Variants in KCNQ2 observed in about 807,000 individuals in gnomAD.
KCNQ2 encodes the protein potassium voltage-gated channel subfamily Q member 2.
Under a neutral mutation model 84.8 loss-of-function variants are expected in KCNQ2, and 14 were observed. The ratio of observed to expected loss-of-function variants is 0.17; its 90% CI spans 0.11 to 0.26. The LOEUF (loss-of-function observed/expected upper bound fraction) is 0.26. Ranked by LOEUF, KCNQ2 falls within the 10% of genes least tolerant of loss-of-function variation. The pLI is 1.00. For synonymous variants in KCNQ2, 599 were observed against 554.1 expected, an observed-to-expected ratio of 1.08 and a Z score of -1.14; for missense variants, 788 against 1,254.0, an observed-to-expected ratio of 0.63 and a Z score of 5.61.
intron 15 of KCNQ2, among the ~76,000 whole-genome samples, chr20:63,411,285 C>T (rs1235074356): frequency 6.6e-6 from 1 of 152,200 alleles, no homozygotes; most frequent in Non-Finnish European, 1.5e-5. Context: ...CTGCTCGGAG[C>T]CACCCAGGGC....
At chr20:63,470,438 C>T (rs181142849) in intron 1 of KCNQ2, among the ~76,000 whole-genome samples, 1 of 152,220 alleles carries the variant, frequency 6.6e-6, no homozygotes, top group Admixed American at 6.5e-5. Context: ...CAAGTGTCCC[C>T]ATGCTTTGCC....
intron 1 of KCNQ2, among the ~76,000 whole-genome samples, chr20:63,452,174 G>A (rs2081632792): frequency 1.3e-5 from 2 of 149,852 alleles, no homozygotes; most frequent in Non-Finnish European, 1.5e-5. Context: ...AGGCGCAGGG[G>A]CCAAAGCCAC....
In KCNQ2 at chr20:63,446,118, C is replaced by A. The variant is rs1203813213; in HGVS notation, c.387+629G>T. 1 of 297,436 alleles carries A rather than the reference C, an allele frequency of 3.4e-6. No individual in the cohort carries two copies. Among genetic ancestry groups the A allele is most frequent in the East Asian group, 1.2e-4 (1 of 8,112 alleles). The allele number at this position is 297,436 out of a possible 1,614,324, so 18.4% of individuals were successfully genotyped here. On this transcript the variant is annotated intron_variant, in intron 2 of 16. Coordinates refer to ENST00000359125, the MANE Select transcript of KCNQ2 (RefSeq NM_172107.4). The surrounding 1 kb of genome is among the most constrained non-coding windows in gnomAD (Gnocchi z 5.5). Reference sequence around the variant, plus strand: ...GACCCTGTCTGAGCCAGTGGGGGACCTGCCTTGAGTTGGGGGGTGCACAGC... The same window carrying A: ...GACCCTGTCTGAGCCAGTGGGGGACATGCCTTGAGTTGGGGGGTGCACAGC...
chr20:63,442,931 A>G (rs1413566226), intron 4 of KCNQ2, among the ~76,000 whole-genome samples: 4 of 106,406 alleles, frequency 3.8e-5, no homozygotes, highest in Non-Finnish European at 8.0e-5. Context: ...CACCATCACC[A>G]TCACCACCAC....
At chr20:63,409,267 G>A (rs958798770) in intron 15 of KCNQ2, among the ~76,000 whole-genome samples, 3 of 152,224 alleles carry the variant, frequency 2.0e-5, no homozygotes, top group South Asian at 2.1e-4. Context: ...GTTTCTGTGT[G>A]CACGCGTGTG....
At chr20:63,413,259 G>A in intron 15 of KCNQ2, 191 bp downstream of exon 15, 1 of 647,094 alleles carries the variant, frequency 1.5e-6, no homozygotes, top group East Asian at 2.8e-5. Context: ...ATGGGGGAGA[G>A]ATGGGAGAGA....
At position 63,446,911 on chromosome 20, in the gene KCNQ2, G is replaced by A; in HGVS notation, c.297-74C>T. ...GCATGGCTGTGTCTCCAGAACTCAG[G>A]ACCCCACTCCCCACCAGGCCGCAGC... is the stretch of plus-strand genomic sequence containing the variant. On this transcript the variant is annotated intron_variant, in intron 1 of 16. Coordinates refer to ENST00000359125, the MANE Select transcript of KCNQ2 (RefSeq NM_172107.4). This position sits in a 1 kb window ranked among gnomAD's most constrained non-coding sequence, Gnocchi z 5.5. 7.5e-7 allele frequency: 1 copy of A among 1,326,532 alleles called. No homozygotes were observed. Among genetic ancestry groups the A allele is most frequent in the Admixed American group, 1.7e-5 (1 of 59,558 alleles). The allele number at this position is 1,326,532 out of a possible 1,614,324, so 82.2% of individuals were successfully genotyped here. A position where few individuals can be genotyped will look rare whatever the true frequency, so the allele number is the denominator to read the frequency against.
rs1326358475 is a variant in KCNQ2 at position 63,405,994 on chromosome 20, C to T, written c.*650G>A. 2 of 152,374 alleles carry T rather than the reference C, an allele frequency of 1.3e-5. No individual in the cohort carries two copies. Among genetic ancestry groups the T allele is most frequent in the Non-Finnish European group, 2.9e-5 (2 of 68,144 alleles). The allele number at this position is 152,374 out of a possible 1,614,324, so 9.4% of individuals were successfully genotyped here. On this transcript the variant is annotated 3_prime_UTR_variant, in exon 17 of 17. Transcript: ENST00000359125. ...CCTCGGCTGCAGGCGAAGGTCTCCA[C>T]CTCGGGGCTGGCTTCCATGGAAAGA...
chr20:63,471,389 G>C (rs994513364), intron 1 of KCNQ2, among the ~76,000 whole-genome samples: 6 of 152,244 alleles, frequency 3.9e-5, no homozygotes, highest in Non-Finnish European at 7.3e-5. Context: ...CGTTCCCTGA[G>C]CCTCGCCCGG....
chr20:63,443,325 C>T (rs796432321), intron 4 of KCNQ2, among the ~76,000 whole-genome samples: 7 of 17,350 alleles, frequency 4.0e-4, no homozygotes, highest in Admixed American at 2.1e-3. Context: ...ACCACCACCA[C>T]CATCACCATC....
intron 15 of KCNQ2, among the ~76,000 whole-genome samples, chr20:63,409,429 G>T (rs187590220): frequency 2.7e-3 from 411 of 152,358 alleles, no homozygotes; most frequent in African/African-American, 8.9e-3. Context: ...AGGGACGGGG[G>T]CTTCTGACCA....
intron 10 of KCNQ2, among the ~76,000 whole-genome samples, chr20:63,426,487 C>T (rs1012136212): frequency 6.8e-6 from 1 of 146,540 alleles, no homozygotes; most frequent in Non-Finnish European, 1.5e-5. Context: ...TACAGCAGTT[C>T]TGCCCTGAAT....
Position 63,460,181 on chromosome 20 carries a change from C to T in KCNQ2, c.296+11987G>A, listed in dbSNP as rs2081913481. 6.6e-6 allele frequency: 1 copy of T among 152,528 alleles called. No homozygotes were observed. Among genetic ancestry groups the T allele is most frequent in the Non-Finnish European group, 1.5e-5 (1 of 68,274 alleles). 9.4% of individuals were successfully genotyped at this position (152,528 alleles called of 1,614,324 possible). A position where few individuals can be genotyped will look rare whatever the true frequency, so the allele number is the denominator to read the frequency against. On this transcript the variant is annotated intron_variant, in intron 1 of 16. Transcript: ENST00000359125. This position sits in a 1 kb window ranked among gnomAD's most constrained non-coding sequence, Gnocchi z 5.4. ...TCCCCAGCACCTTTGGGGACCCCTGCTTGGCCTGGCCTGGGCTCCTGACCC... is the reference window on the plus strand; with the variant it reads ...TCCCCAGCACCTTTGGGGACCCCTGTTTGGCCTGGCCTGGGCTCCTGACCC...
At chr20:63,470,100 A>G (rs1001898313) in intron 1 of KCNQ2, among the ~76,000 whole-genome samples, 3 of 152,202 alleles carry the variant, frequency 2.0e-5, no homozygotes, top group African/African-American at 4.8e-5. Context: ...ACCAGCCCCC[A>G]GTGTCCAACC....
intron 1 of KCNQ2, among the ~76,000 whole-genome samples, chr20:63,468,456 C>G (rs918304516): frequency 1.3e-5 from 2 of 152,238 alleles, no homozygotes; most frequent in African/African-American, 4.8e-5. Context: ...CCCCAGCCAG[C>G]CCTTCGAGGG....
Position 63,407,157 on chromosome 20 carries a change from C to G in KCNQ2, c.2106G>C (p.Ser702=). The G allele has an allele frequency of 6.3e-7, 1 of 1,593,666 alleles. No homozygotes were observed. Among genetic ancestry groups the G allele is most frequent in the Admixed American group, 1.7e-5 (1 of 58,266 alleles). Reference sequence around the variant, plus strand: ...GGACAGGGGGCGCGGCCGGGGGCGCCGAGAAGTTCTTCTGGCCCGTGGAGC... The same window carrying G: ...GGACAGGGGGCGCGGCCGGGGGCGCGGAGAAGTTCTTCTGGCCCGTGGAGC... ...SSSSTGQKNF[S]APPAAPPVQC... Residue 702 remains serine, a synonymous_variant, in exon 17 of 17, where the codon TCG becomes TCC. Transcript: ENST00000359125. The surrounding 1 kb of genome is among the most constrained non-coding windows in gnomAD (Gnocchi z 7.2).
At chr20:63,465,313 G>GCCACTCC (rs1410226719) in intron 1 of KCNQ2, among the ~76,000 whole-genome samples, 4 of 152,218 alleles carry the variant, frequency 2.6e-5, no homozygotes, top group African/African-American at 9.6e-5. Context: ...CCCTCCTCCA[G>GCCACTCC]CTCTGTGGGT....
intron 14 of KCNQ2, 102 bp from the exon 15 acceptor site, chr20:63,413,683 G>T: frequency 7.4e-7 from 1 of 1,352,452 alleles, no homozygotes; most frequent in Non-Finnish European, 1.1e-6. Context: ...CCTGGAGATG[G>T]CTGGACTTGC....
intron 5 of KCNQ2, among the ~76,000 whole-genome samples, chr20:63,440,644 C>G (rs1267189961): frequency 2.0e-5 from 3 of 152,168 alleles, no homozygotes; most frequent in Non-Finnish European, 4.4e-5. Context: ...AGACCTCTCA[C>G]CAGGACCTGC....
Sources: gnomAD v4.1 joint callset for allele counts (sites outside exome capture counted in the v4.1 genomes callset) on GRCh38, gnomAD v4.1.1 for gene constraint, Gnocchi (gnomAD v3.1) non-coding constraint, MANE v1.5 for transcripts, NCBI Gene and HGNC (gene_info 2026-07-23, HGNC 2026-07-21) for gene names.